Variants in NELL1 observed in about 807,000 individuals in gnomAD.
NELL1 encodes the protein protein kinase C-binding protein NELL1.
In NELL1, 76 loss-of-function variants were observed where a neutral mutation model predicts 107.4. The ratio of observed to expected loss-of-function variants is 0.71; its 90% CI spans 0.59 to 0.86. NELL1 has a LOEUF of 0.86. Among genes scored for constraint, NELL1 ranks in the 40% least tolerant of loss-of-function variants. NELL1 has a pLI of 0.00. For missense variants in NELL1, 1,024 were observed against 1,005.5 expected (o/e 1.02, Z -0.25); for synonymous variants, 353 against 341.2 (o/e 1.03, Z -0.38).
At chr11:21,309,250 A>ATG (rs1849673759) in intron 14 of NELL1, among the ~76,000 whole-genome samples, 1 of 84,076 alleles carries the variant, frequency 1.2e-5, no homozygotes, top group South Asian at 3.9e-4. Context: ...CCCACTCTAA[A>ATG]TATATATATG....
chr11:21,152,879 A>G (rs1381555171), intron 13 of NELL1, among the ~76,000 whole-genome samples: 3 of 152,158 alleles, frequency 2.0e-5, no homozygotes, highest in Non-Finnish European at 2.9e-5. Context: ...GATTTCAGAA[A>G]TTTGATCTCA....
intron 12 of NELL1, among the ~76,000 whole-genome samples, chr11:20,972,047 G>T (rs1047610668): frequency 6.6e-6 from 1 of 151,864 alleles, no homozygotes; most frequent in Non-Finnish European, 1.5e-5. Context: ...GGGGGCAAGG[G>T]GAGGGAGAGC....
chr11:20,922,291 T>G (rs1350194474), intron 7 of NELL1, among the ~76,000 whole-genome samples: 1 of 152,140 alleles, frequency 6.6e-6, no homozygotes, highest in Non-Finnish European at 1.5e-5. Context: ...CTGGGATCCC[T>G]GCAGTCACTT....
chr11:21,344,675 C>G (rs1209523709), intron 14 of NELL1, among the ~76,000 whole-genome samples: 1 of 152,088 alleles, frequency 6.6e-6, no homozygotes, highest in African/African-American at 2.4e-5. Context: ...CCTTCAAATT[C>G]CAGCTGTTCT....
intron 14 of NELL1, among the ~76,000 whole-genome samples, chr11:21,267,741 G>C (rs1848662963): frequency 6.6e-6 from 1 of 152,028 alleles, no homozygotes; most frequent in Non-Finnish European, 1.5e-5. Context: ...GATGACTCTT[G>C]AATCGATATC....
At chr11:20,918,383 G>C in intron 6 of NELL1, 129 bp downstream of exon 6, 2 of 613,380 alleles carry the variant, frequency 3.3e-6, no homozygotes, top group South Asian at 3.9e-5. Flanking sequence ...TAGTGAAAGA[G>C]AACTTATTAT....
intron 13 of NELL1, among the ~76,000 whole-genome samples, chr11:21,168,727 G>A (rs773135811): frequency 5.9e-5 from 9 of 151,850 alleles, no homozygotes; most frequent in Non-Finnish European, 1.3e-4. Flanking sequence ...GCCAGTTAAA[G>A]CTCATAAGTT....
At chr11:21,424,156 G>GA (rs1231663029) in intron 15 of NELL1, among the ~76,000 whole-genome samples, 10 of 152,090 alleles carry the variant, frequency 6.6e-5, no homozygotes, top group South Asian at 2.1e-4. Context: ...AAAAGCAATA[G>GA]AAAAAATCAA....
chr11:20,927,490 A>T (rs769709611), intron 8 of NELL1, 48 bp downstream of exon 8: 1 of 1,560,606 alleles, frequency 6.4e-7, no homozygotes, highest in South Asian at 1.2e-5. Flanking sequence ...TTAAGGGGAG[A>T]GGTTTGATAA....
At chr11:20,714,329 G>A (rs1379351035) in intron 2 of NELL1, among the ~76,000 whole-genome samples, 2 of 148,588 alleles carry the variant, frequency 1.3e-5, no homozygotes, top group Non-Finnish European at 3.0e-5. Context: ...TCAGCCTCCT[G>A]AGTAGCTGGA....
chr11:21,136,609 T>C (rs1445277681), intron 13 of NELL1, among the ~76,000 whole-genome samples: 1 of 152,154 alleles, frequency 6.6e-6, no homozygotes, highest in Non-Finnish European at 1.5e-5. Context: ...AGGAGACAAA[T>C]CTATTACAAA....
chr11:20,748,653 A>G (rs1214563931), intron 2 of NELL1, among the ~76,000 whole-genome samples: 3 of 152,094 alleles, frequency 2.0e-5, no homozygotes, highest in Non-Finnish European at 4.4e-5. Flanking sequence ...GTAAGAACTC[A>G]TGGTATTTTG....
At chr11:20,693,268 A>G (rs1259956561) in intron 2 of NELL1, among the ~76,000 whole-genome samples, 3 of 151,938 alleles carry the variant, frequency 2.0e-5, no homozygotes, top group Non-Finnish European at 4.4e-5. Flanking sequence ...TTTTAACTGG[A>G]GCATTTAGTC....
chr11:20,709,153 C>A (rs778331910), intron 2 of NELL1, among the ~76,000 whole-genome samples: 3 of 152,064 alleles, frequency 2.0e-5, no homozygotes, highest in Non-Finnish European at 4.4e-5. Context: ...ATGTTATCTT[C>A]TAGAATTTTT....
At chr11:20,701,360 G>C (rs537315392) in intron 2 of NELL1, among the ~76,000 whole-genome samples, 1 of 152,160 alleles carries the variant, frequency 6.6e-6, no homozygotes, top group South Asian at 2.1e-4. Context: ...GGGGTTGTTT[G>C]ATTTTTTCTT....
intron 12 of NELL1, among the ~76,000 whole-genome samples, chr11:21,025,583 C>A (rs1408803291): frequency 6.6e-6 from 1 of 151,992 alleles, no homozygotes; most frequent in East Asian, 1.9e-4. Context: ...GGTTTCTCCT[C>A]ACTTGCCTGA....
At chr11:20,897,955 C>A (rs1321190370) in intron 5 of NELL1, among the ~76,000 whole-genome samples, 1 of 152,148 alleles carries the variant, frequency 6.6e-6, no homozygotes, top group Non-Finnish European at 1.5e-5. Flanking sequence ...AATGGGAACA[C>A]TTTTACACTG....
At chr11:20,720,300 A>C (rs1235974101) in intron 2 of NELL1, among the ~76,000 whole-genome samples, 1 of 150,690 alleles carries the variant, frequency 6.6e-6, no homozygotes, top group East Asian at 2.0e-4. Context: ...CTCTGCCTGC[A>C]GGGTTCAAGC....
chr11:21,532,218 G>A (rs1183038830), intron 15 of NELL1, among the ~76,000 whole-genome samples: 1 of 152,108 alleles, frequency 6.6e-6, no homozygotes, highest in Non-Finnish European at 1.5e-5. Flanking sequence ...GTGTCCCTGG[G>A]GAAGTTGTAG....
Sources: allele counts gnomAD v4.1 joint callset (sites outside exome capture counted in the v4.1 genomes callset), GRCh38; gene constraint gnomAD v4.1.1; transcripts MANE v1.5; gene names NCBI Gene and HGNC (gene_info 2026-07-23, HGNC 2026-07-21).